Variants in ADGRA2 observed in about 807,000 individuals in gnomAD.
ADGRA2 encodes G-protein coupled receptor 124.
Under a neutral mutation model 98.7 loss-of-function variants are expected in ADGRA2, and 61 were observed. The observed-to-expected ratio is 0.62, with a 90% CI of 0.50 to 0.76. The LOEUF is 0.76. Among genes scored for constraint, ADGRA2 ranks in the 30% least tolerant of loss-of-function variants. The probability of loss-of-function intolerance (pLI) is 0.00; values close to 1 mark genes in which losing one functional copy is unlikely to be tolerated. For missense variants in ADGRA2, 1,712 were observed against 1,860.0 expected (o/e 0.92, Z 1.46); for synonymous variants, 858 against 831.5 (o/e 1.03, Z -0.55).
chr8:37,844,359 G>A lies in ADGRA2; in HGVS notation c.*2004G>A. The A allele has an allele frequency of 8.9e-6, 11 of 1,234,158 alleles. No individual in the cohort carries two copies. The highest frequency in any genetic ancestry group is 1.1e-5 in the Non-Finnish European group (10 of 879,228). The allele number at this position is 1,234,158 out of a possible 1,614,324, so 76.5% of individuals were successfully genotyped here. On this transcript the variant is annotated 3_prime_UTR_variant, in exon 19 of 19. Transcript: ENST00000412232. ...TCCAGGACCCAGGGTCCAACTAATG[G>A]CAGAGCCCCTCTTGGTTCCTTCAAA...
chr8:37,840,856 A>AGGGCG lies in ADGRA2; in HGVS notation c.2747+7_2747+8insGGGCG. On this transcript the variant is annotated splice_region_variant and intron_variant, in intron 18 of 18. Coordinates refer to ENST00000412232, the MANE Select transcript of ADGRA2 (RefSeq NM_032777.10). ...ACCGGGACCACAGCCCCTAGTGAGC[A>AGGGCG]CCCCTCCCTCCCGCCCCAAGCCTAC... 3.4e-6 allele frequency: 5 copies of AGGGCG among 1,483,342 alleles called. No homozygotes were observed. Among genetic ancestry groups the AGGGCG allele is most frequent in the Non-Finnish European group, 4.7e-6 (5 of 1,067,518 alleles). The allele number at this position is 1,483,342 out of a possible 1,614,324, so 91.9% of individuals were successfully genotyped here. A position where few individuals can be genotyped will look rare whatever the true frequency, so the allele number is the denominator to read the frequency against.
chr8:37,806,612 C>A (rs1486134358), intron 1 of ADGRA2, among the ~76,000 whole-genome samples: 1 of 146,432 alleles, frequency 6.8e-6, no homozygotes. Context: ...TCTCTGCAAC[C>A]TCTGCCTCCT....
intron 2 of ADGRA2, among the ~76,000 whole-genome samples, chr8:37,820,507 A>C (rs1474837393): frequency 6.6e-6 from 1 of 152,234 alleles, no homozygotes; most frequent in Admixed American, 6.5e-5. Context: ...CATCAGGAAT[A>C]AGACTCCATG....
chr8:37,806,494 T>G (rs916942538), intron 1 of ADGRA2, among the ~76,000 whole-genome samples: 1 of 141,920 alleles, frequency 7.0e-6, no homozygotes, highest in African/African-American at 2.9e-5. Context: ...TGTGGCATTT[T>G]CTTTTTCTTT....
At chr8:37,835,470 G>A in intron 12 of ADGRA2, 72 bp downstream of exon 12, 1 of 1,519,250 alleles carries the variant, frequency 6.6e-7, no homozygotes, top group East Asian at 2.3e-5. Context: ...TGGGGGCAGT[G>A]AGAGGAGGTG....
At chr8:37,815,529 C>G (rs1390859497) in intron 2 of ADGRA2, among the ~76,000 whole-genome samples, 2 of 152,208 alleles carry the variant, frequency 1.3e-5, no homozygotes, top group East Asian at 3.9e-4. Flanking sequence ...CTGGGCGTTC[C>G]CCGCTAGCCG....
At position 37,843,905 on chromosome 8, in the gene ADGRA2, C is replaced by T. The variant is rs1805894191; in HGVS notation, c.*1550C>T. On this transcript the variant is annotated 3_prime_UTR_variant, in exon 19 of 19. Coordinates refer to ENST00000412232, the MANE Select transcript of ADGRA2 (RefSeq NM_032777.10). ...TGTTTTTAAGAACTCGGGTTTTATA[C>T]AATAGAATGTTTTCTAGCAGATGCC... 1 of 153,002 alleles carries T rather than the reference C, an allele frequency of 6.5e-6. No homozygotes were observed. The highest frequency in any genetic ancestry group is 2.1e-4 in the South Asian group (1 of 4,864). 9.5% of individuals were successfully genotyped at this position (153,002 alleles called of 1,614,324 possible).
At chr8:37,838,710 T>G (rs1455123015) in intron 14 of ADGRA2, among the ~76,000 whole-genome samples, 2 of 152,036 alleles carry the variant, frequency 1.3e-5, no homozygotes, top group African/African-American at 4.8e-5. Context: ...CATCTCTGGT[T>G]TTTCAGGCTG....
chr8:37,834,257 C>A lies in ADGRA2; in HGVS notation c.1608+129C>A. ...TGACAAAGTTCTGAGCCATGGGGTT[C>A]ACTTCCAAGTTGTCAGGGGCAGTGC... On this transcript the variant is annotated intron_variant, in intron 11 of 18. Coordinates refer to ENST00000412232, the MANE Select transcript of ADGRA2 (RefSeq NM_032777.10). This position sits in a 1 kb window ranked among gnomAD's most constrained non-coding sequence, Gnocchi z 4.2. The A allele has an allele frequency of 1.1e-6, 1 of 894,796 alleles. No homozygotes were observed. The highest frequency in any genetic ancestry group is 1.7e-6 in the Non-Finnish European group (1 of 601,796). The allele number at this position is 894,796 out of a possible 1,614,324, so 55.4% of individuals were successfully genotyped here. A position where few individuals can be genotyped will look rare whatever the true frequency, so the allele number is the denominator to read the frequency against.
chr8:37,830,072 G>C lies in ADGRA2; in HGVS notation c.718+58G>C. 8.2e-7 allele frequency: 1 copy of C among 1,220,512 alleles called. No individual in the cohort carries two copies. The highest frequency in any genetic ancestry group is 1.1e-6 in the Non-Finnish European group (1 of 897,860). 75.6% of individuals were successfully genotyped at this position (1,220,512 alleles called of 1,614,324 possible). On this transcript the variant is annotated intron_variant, in intron 6 of 18. Coordinates refer to ENST00000412232, the MANE Select transcript of ADGRA2 (RefSeq NM_032777.10). The surrounding 1 kb of genome is among the most constrained non-coding windows in gnomAD (Gnocchi z 4.8). ...GGGACCCTGCCTCTCCACCAACCCAGGGCCCAGACACGAGCCTCCCCTCAG... is the reference window on the plus strand; with the variant it reads ...GGGACCCTGCCTCTCCACCAACCCACGGCCCAGACACGAGCCTCCCCTCAG...
At position 37,841,501 on chromosome 8, in the gene ADGRA2, G is replaced by A. The variant is rs1585410583; in HGVS notation, c.3163G>A (p.Gly1055Arg). Residue 1055 changes from glycine (G) to arginine (R), a missense_variant, in exon 19 of 19, where the codon GGG becomes AGG. Physicochemically the swap from Gly to Arg is moderately radical, Grantham distance 125 (BLOSUM62 -2). Coordinates refer to ENST00000412232, the MANE Select transcript of ADGRA2 (RefSeq NM_032777.10). This position sits in a 1 kb window ranked among gnomAD's most constrained non-coding sequence, Gnocchi z 5.0. ...LPRVVCSCLY[G>R]VAASALGLFV... is the part of the protein sequence containing the mutation. ...CCGGGTGGTGTGCAGCTGCTTGTAC[G>A]GGGTGGCAGCCTCCGCCCTGGGCCT... The A allele has an allele frequency of 1.2e-6, 2 of 1,612,936 alleles. No homozygotes were observed. Among genetic ancestry groups the A allele is most frequent in the Non-Finnish European group, 1.7e-6 (2 of 1,179,856 alleles).
In ADGRA2 at chr8:37,841,453, G is replaced by A; in HGVS notation, c.3115G>A (p.Ala1039Thr). The change falls in exon 19 of 19, where the codon GCA becomes ACA. Residue 1039 changes from alanine to threonine, a missense_variant. Physicochemically the swap from Ala to Thr is moderately conservative, Grantham distance 58. Coordinates refer to ENST00000412232, the MANE Select transcript of ADGRA2 (RefSeq NM_032777.10). This position sits in a 1 kb window ranked among gnomAD's most constrained non-coding sequence, Gnocchi z 5.0. ...GGCCATGTGGGCCTGCGGGGCTCTG[G>A]CAGTGTCCCAGCGCTGGCTGCCCCG... ...YLAMWACGAL[A>T]VSQRWLPRVV... The A allele has an allele frequency of 6.2e-7, 1 of 1,613,002 alleles. No individual in the cohort carries two copies. The highest frequency in any genetic ancestry group is 8.5e-7 in the Non-Finnish European group (1 of 1,179,838).
In ADGRA2 at chr8:37,841,630, G is replaced by A; in HGVS notation, c.3292G>A (p.Ala1098Thr). 1 of 1,528,746 alleles carries A rather than the reference G, an allele frequency of 6.5e-7. No homozygotes were observed. The highest frequency in any genetic ancestry group is 1.2e-5 in the South Asian group (1 of 80,058). 94.7% of individuals were successfully genotyped at this position (1,528,746 alleles called of 1,614,324 possible). The stretch of plus-strand genomic sequence containing the variant: ...CGCGGCCCCCCATGCCCCGCCCCGG[G>A]CCCTGCCCGCCGCCGCAGAGGACGG... The part of the protein sequence containing the change: ...SPAAPHAPPR[A>T]LPAAAEDGSP... Residue 1098 changes from alanine (A) to threonine (T), a missense_variant, in exon 19 of 19, where the codon GCC (alanine) becomes ACC (threonine). Physicochemically the swap from Ala to Thr is moderately conservative, Grantham distance 58. Transcript: ENST00000412232. This position sits in a 1 kb window ranked among gnomAD's most constrained non-coding sequence, Gnocchi z 5.0.
intron 1 of ADGRA2, among the ~76,000 whole-genome samples, chr8:37,800,044 A>T (rs542941958): frequency 6.6e-6 from 1 of 152,264 alleles, no homozygotes; most frequent in Non-Finnish European, 1.5e-5. Flanking sequence ...CCACCCCAGG[A>T]TGCATCTTGA....
In ADGRA2 at chr8:37,835,783, ATTCCC is replaced by A; in HGVS notation, c.2050+14_2050+18del. The A allele has an allele frequency of 1.3e-6, 2 of 1,572,732 alleles. No individual in the cohort carries two copies. Among genetic ancestry groups the A allele is most frequent in the Non-Finnish European group, 1.7e-6 (2 of 1,144,922 alleles). ...TTCGCAGGAACCAGTAAGGGACTGA[ATTCCC>A]CGCCCCGCCCAGGGTGCCTCTCGTG... On this transcript the variant is annotated intron_variant, in intron 13 of 18. Coordinates refer to ENST00000412232, the MANE Select transcript of ADGRA2 (RefSeq NM_032777.10).
chr8:37,829,242 G>A lies in ADGRA2; in HGVS notation c.411-19G>A. On this transcript the variant is annotated intron_variant, in intron 3 of 18. Coordinates refer to ENST00000412232, the MANE Select transcript of ADGRA2 (RefSeq NM_032777.10). ...GCTGCCACGTGGCCAACATGCTGAG[G>A]TTGCCTGTGTCTCTCTAGAGATCTC... 6.2e-7 allele frequency: 1 copy of A among 1,608,594 alleles called. No individual in the cohort carries two copies. Among genetic ancestry groups the A allele is most frequent in the Non-Finnish European group, 8.5e-7 (1 of 1,175,270 alleles).
chr8:37,804,001 G>T (rs1274387820), intron 1 of ADGRA2, among the ~76,000 whole-genome samples: 1 of 151,894 alleles, frequency 6.6e-6, no homozygotes, highest in Non-Finnish European at 1.5e-5. Context: ...ATGACTTCAG[G>T]CTTCAGGAGA....
chr8:37,817,379 T>C (rs1805010656), intron 2 of ADGRA2, among the ~76,000 whole-genome samples: 1 of 151,862 alleles, frequency 6.6e-6, no homozygotes, highest in South Asian at 2.1e-4. Flanking sequence ...AGAGTGGTCC[T>C]GATGCACAGG....
In ADGRA2 at chr8:37,844,712, G is replaced by A. The variant is rs781309718; in HGVS notation, c.*2357G>A. The A allele has an allele frequency of 2.5e-6, 4 of 1,614,080 alleles. No homozygotes were observed. Among genetic ancestry groups the A allele is most frequent in the East Asian group, 2.2e-5 (1 of 44,886 alleles). On this transcript the variant is annotated 3_prime_UTR_variant, in exon 19 of 19. Transcript: ENST00000412232. ...CAGGACTGGCCGGCCGCTTCCCCTG[G>A]GGTAAACCTAAGGAATTATTTCCCA...
Sources: gnomAD v4.1 joint callset for allele counts (sites outside exome capture counted in the v4.1 genomes callset) on GRCh38, gnomAD v4.1.1 for gene constraint, Gnocchi (gnomAD v3.1) non-coding constraint, MANE v1.5 for transcripts, NCBI Gene and HGNC (gene_info 2026-07-23, HGNC 2026-07-21) for gene names.